Variants in NCKAP5 observed in about 807,000 individuals in gnomAD.
NCKAP5 encodes NCK associated protein 5, also known as nck-associated protein 5.
A neutral mutation model predicts 167.0 loss-of-function variants in NCKAP5; 92 were observed. The ratio of observed to expected loss-of-function variants is 0.55; its 90% CI spans 0.47 to 0.66. The LOEUF (loss-of-function observed/expected upper bound fraction) is 0.66, where lower values mean the gene tolerates loss of function less well. NCKAP5 is among the 30% of genes least tolerant of loss of function. The probability of loss-of-function intolerance (pLI) is 0.00; values close to 1 mark genes in which losing one functional copy is unlikely to be tolerated. For missense variants in NCKAP5, 2,378 were observed against 2,315.0 expected (o/e 1.03, Z -0.56); for synonymous variants, 891 against 877.4 (o/e 1.02, Z -0.27).
chr2:133,205,047 G>C (rs2085882189), intron 5 of NCKAP5, among the ~76,000 whole-genome samples: 1 of 152,138 alleles, frequency 6.6e-6, no homozygotes, highest in Admixed American at 6.6e-5. Context: ...CCACCACTTT[G>C]AGAGGCTGAG....
At chr2:132,871,931 C>A in intron 9 of NCKAP5, among the ~76,000 whole-genome samples, 1 of 152,178 alleles carries the variant, frequency 6.6e-6, no homozygotes, top group East Asian at 1.9e-4. Flanking sequence ...GGAGTTTGTG[C>A]CTGCAACCTC....
chr2:132,861,942 A>C (rs1177451257), intron 10 of NCKAP5, among the ~76,000 whole-genome samples: 3 of 152,210 alleles, frequency 2.0e-5, no homozygotes, highest in African/African-American at 7.2e-5. Context: ...ACATAGTAGG[A>C]GCTTAATAAG....
intron 7 of NCKAP5, among the ~76,000 whole-genome samples, chr2:132,978,212 GAAT>G (rs1355605862): frequency 1.3e-5 from 2 of 152,182 alleles, no homozygotes; most frequent in Non-Finnish European, 2.9e-5. Context: ...TGTGTTTAAA[GAAT>G]AATAAACTGG....
intron 3 of NCKAP5, among the ~76,000 whole-genome samples, chr2:133,485,364 A>G (rs1240402780): frequency 6.6e-6 from 1 of 152,184 alleles, no homozygotes; most frequent in African/African-American, 2.4e-5. Context: ...AGAATTCTCT[A>G]AATGGACTGA....
chr2:133,540,433 C>T (rs536569219), intron 2 of NCKAP5, among the ~76,000 whole-genome samples: 31 of 151,960 alleles, frequency 2.0e-4, no homozygotes, highest in Non-Finnish European at 7.4e-5. Context: ...TCAAATTGAG[C>T]TAAAACATAA....
intron 5 of NCKAP5, among the ~76,000 whole-genome samples, chr2:133,187,939 T>C (rs978799019): frequency 1.3e-5 from 2 of 152,122 alleles, no homozygotes; most frequent in Non-Finnish European, 2.9e-5. Context: ...TTTGCCAGTC[T>C]GTGTCTTTTA....
intron 3 of NCKAP5, among the ~76,000 whole-genome samples, chr2:133,358,090 A>T (rs1475571941): frequency 6.6e-6 from 1 of 152,188 alleles, no homozygotes; most frequent in East Asian, 1.9e-4. Flanking sequence ...GGAGGTATTT[A>T]AAATGGCCTT....
intron 8 of NCKAP5, among the ~76,000 whole-genome samples, chr2:132,938,239 A>C (rs1384746879): frequency 6.6e-6 from 1 of 152,158 alleles, no homozygotes; most frequent in African/African-American, 2.4e-5. Context: ...GGAATCAATC[A>C]AGATAGGGCA....
intron 4 of NCKAP5, among the ~76,000 whole-genome samples, chr2:133,237,241 T>C (rs767823506): frequency 6.6e-6 from 1 of 152,188 alleles, no homozygotes; most frequent in South Asian, 2.1e-4. Flanking sequence ...AGAGATAGAT[T>C]TTTTAATTTT....
intron 1 of NCKAP5, among the ~76,000 whole-genome samples, chr2:133,561,198 C>G (rs1688130369): frequency 1.3e-5 from 2 of 152,218 alleles, no homozygotes; most frequent in African/African-American, 4.8e-5. Flanking sequence ...GTGGCTGTAA[C>G]TGTTGGCAAT....
At chr2:133,274,501 A>G (rs1001965082) in intron 4 of NCKAP5, among the ~76,000 whole-genome samples, 1 of 152,046 alleles carries the variant, frequency 6.6e-6, no homozygotes, top group African/African-American at 2.4e-5. Context: ...CACTCAACTT[A>G]CCAGCGAGTC....
intron 6 of NCKAP5, among the ~76,000 whole-genome samples, chr2:133,009,649 G>C (rs1236184968): frequency 6.6e-6 from 1 of 152,130 alleles, no homozygotes; most frequent in Non-Finnish European, 1.5e-5. Context: ...GTGTGGTAAT[G>C]AGTAACTTGA....
rs553435938 is a variant in NCKAP5, at chr2:133,492,691, T to A, written c.69+24767A>T. 1.3e-4 allele frequency among the ~76,000 whole-genome samples: 20 copies of A among 152,332 alleles called. No individual in the cohort carries two copies. In the East Asian group the frequency reaches 3.9e-3, roughly 29 times the overall value. The stretch of plus-strand genomic sequence containing the variant: ...GATGTTAGATATATAACCTGTGAGA[T>A]TGTATATGGAAAGAAGAAAGCATTT... On this transcript the variant is annotated intron_variant, in intron 3 of 19. Transcript: ENST00000409261.
At chr2:132,799,693 AT>A (rs1313211640) in intron 11 of NCKAP5, among the ~76,000 whole-genome samples, 1 of 152,236 alleles carries the variant, frequency 6.6e-6, no homozygotes, top group African/African-American at 2.4e-5. Flanking sequence ...TATAAGGCAA[AT>A]AAAAATTGAC....
intron 5 of NCKAP5, among the ~76,000 whole-genome samples, chr2:133,211,122 CCT>C (rs2086196232): frequency 6.6e-6 from 1 of 152,060 alleles, no homozygotes. Flanking sequence ...TGCTGATACC[CCT>C]GCCAGAATCC....
At chr2:133,093,719 T>C (rs1329737510) in intron 6 of NCKAP5, among the ~76,000 whole-genome samples, 1 of 152,248 alleles carries the variant, frequency 6.6e-6, no homozygotes, top group Non-Finnish European at 1.5e-5. Flanking sequence ...TACCAATTAC[T>C]GTTAGGGTTT....
intron 3 of NCKAP5, among the ~76,000 whole-genome samples, chr2:133,400,023 C>A (rs1687997931): frequency 6.6e-6 from 1 of 152,128 alleles, no homozygotes; most frequent in African/African-American, 2.4e-5. Flanking sequence ...ATTTTATTTT[C>A]TAATTTCAAT....
At chr2:133,586,317 C>T in the NCKAP5 span, among the ~76,000 whole-genome samples, 1 of 152,172 alleles carries the variant, frequency 6.6e-6, no homozygotes, top group East Asian at 1.9e-4. Flanking sequence ...TCACTTCCTT[C>T]CTTCCTTCTG....
intron 3 of NCKAP5, among the ~76,000 whole-genome samples, chr2:133,378,388 A>G (rs999456348): frequency 6.6e-6 from 1 of 152,208 alleles, no homozygotes; most frequent in Non-Finnish European, 1.5e-5. Context: ...TAGATAAATT[A>G]CAGACACTAA....
Sources: gnomAD v4.1 joint callset for allele counts (sites outside exome capture counted in the v4.1 genomes callset) on GRCh38, gnomAD v4.1.1 for gene constraint, MANE v1.5 for transcripts, NCBI Gene and HGNC (gene_info 2026-07-23, HGNC 2026-07-21) for gene names.